The following MYO7A variants were observed in gnomAD, a reference collection of about 807,000 sequenced individuals.
The protein encoded by MYO7A is myosin VIIA.
A neutral mutation model predicts 263.8 loss-of-function variants in MYO7A; 210 were observed. The observed-to-expected ratio is 0.80, with a 90% CI of 0.71 to 0.89. The LOEUF is 0.89. Ranked by LOEUF, MYO7A falls within the 40% of genes least tolerant of loss-of-function variation. MYO7A has a pLI of 0.00. For synonymous variants in MYO7A, 1,239 were observed against 1,197.3 expected, an observed-to-expected ratio of 1.03 and a Z score of -0.72; for missense variants, 2,820 against 2,968.3, an observed-to-expected ratio of 0.95 and a Z score of 1.16.
Position 77,214,899 on chromosome 11 carries a change from C to T in MYO7A, c.*203C>T. 3.6e-6 allele frequency: 2 copies of T among 555,608 alleles called. No homozygotes were observed. Among genetic ancestry groups the T allele is most frequent in the South Asian group, 4.6e-5 (2 of 43,188 alleles). The allele number at this position is 555,608 out of a possible 1,614,324, so 34.4% of individuals were successfully genotyped here. On this transcript the variant is annotated 3_prime_UTR_variant, in exon 49 of 49. Transcript: ENST00000409709. The stretch of plus-strand genomic sequence containing the variant: ...CTGGGATGCAGAACTTCCCTCCATC[C>T]ACCCCTCTGGCACCTGGGTTGGTCT...
At chr11:77,179,538 G>C (rs1478799897) in intron 20 of MYO7A, among the ~76,000 whole-genome samples, 197 bp from the exon 21 acceptor site, 1 of 152,190 alleles carries the variant, frequency 6.6e-6, no homozygotes, top group Non-Finnish European at 1.5e-5. Flanking sequence ...GGAGAGTCAA[G>C]GTCACCTAAA....
rs2135563118 is a variant in MYO7A at position 77,190,822 on chromosome 11, T to C, written c.3876T>C (p.Ser1292=). ...ELCNALADKI[S]LKDRFGFSLY... ...GCAACGCGCTGGCCGACAAGATCTC[T>C]CTCAAGGACCGGTTCGGGTTCTCCC... Residue 1292 remains serine, a synonymous_variant, in exon 30 of 49, where the codon TCT becomes TCC. Coordinates refer to ENST00000409709, the MANE Select transcript of MYO7A (RefSeq NM_000260.4). The C allele has an allele frequency of 2.5e-6, 4 of 1,590,110 alleles. No individual in the cohort carries two copies. Among genetic ancestry groups the C allele is most frequent in the Non-Finnish European group, 3.4e-6 (4 of 1,168,850 alleles).
At position 77,199,767 on chromosome 11, in the gene MYO7A, C is replaced by G. The variant is rs758832749; in HGVS notation, c.4801C>G (p.Leu1601Val). The part of the protein sequence containing the change: ...RDLVVTFLEG[L>V]RKRSKYVVAL... ...CCTGGTGGTCACCTTCCTAGAGGGG[C>G]TCCGGAAGAGATCTAAGTATGTTGT... Residue 1601 changes from leucine (L) to valine (V), a missense_variant, in exon 35 of 49, where the codon CTC (leucine) becomes GTC (valine). By Grantham distance (32) the Leu-to-Val change is conservative (BLOSUM62 1). Coordinates refer to ENST00000409709, the MANE Select transcript of MYO7A (RefSeq NM_000260.4). 6.2e-7 allele frequency: 1 copy of G among 1,611,688 alleles called. No individual in the cohort carries two copies. Among genetic ancestry groups the G allele is most frequent in the African/African-American group, 1.3e-5 (1 of 74,898 alleles).
intron 7 of MYO7A, 55 bp from the exon 8 acceptor site, chr11:77,157,224 A>T (rs1487138051): frequency 5.5e-6 from 8 of 1,455,638 alleles, no homozygotes; most frequent in Non-Finnish European, 7.6e-6. Context: ...CTAGTTCCTG[A>T]TGGCCTCCTC....
chr11:77,163,115 T>G, intron 14 of MYO7A, 127 bp downstream of exon 14: 1 of 1,029,432 alleles, frequency 9.7e-7, no homozygotes, highest in Non-Finnish European at 1.4e-6. Flanking sequence ...TATATATATA[T>G]ATATGAACTT....
In MYO7A at chr11:77,214,915, G is replaced by A. The variant is rs779890114; in HGVS notation, c.*219G>A. On this transcript the variant is annotated 3_prime_UTR_variant, in exon 49 of 49. Coordinates refer to ENST00000409709, the MANE Select transcript of MYO7A (RefSeq NM_000260.4). Reference sequence around the variant, plus strand: ...CCCTCCATCCACCCCTCTGGCACCTGGGTTGGTCTAATCCTAGTTTGCTGT... The same window carrying A: ...CCCTCCATCCACCCCTCTGGCACCTAGGTTGGTCTAATCCTAGTTTGCTGT... 19 of 539,918 alleles carry A rather than the reference G, an allele frequency of 3.5e-5. No homozygotes were observed. Among genetic ancestry groups the A allele is most frequent in the Non-Finnish European group, 6.3e-5 (19 of 301,554 alleles). 33.4% of individuals were successfully genotyped at this position (539,918 alleles called of 1,614,324 possible).
intron 48 of MYO7A, 50 bp downstream of exon 48, chr11:77,214,029 C>T (rs772101151): frequency 1.9e-6 from 3 of 1,611,000 alleles, no homozygotes; most frequent in East Asian, 4.5e-5. Flanking sequence ...TTGCCTGCAG[C>T]GTAGCCAGCC....
intron 22 of MYO7A, 131 bp downstream of exon 22, chr11:77,180,612 C>T (rs1955094690): frequency 2.7e-6 from 2 of 754,148 alleles, no homozygotes; most frequent in Admixed American, 2.5e-5. Flanking sequence ...ACTAGACCCA[C>T]TCAGCCAGCA....
At chr11:77,177,389 G>A (rs1954736847) in intron 18 of MYO7A, among the ~76,000 whole-genome samples, 160 bp from the exon 19 acceptor site, 1 of 152,192 alleles carries the variant, frequency 6.6e-6, no homozygotes, top group Admixed American at 6.5e-5. Flanking sequence ...TGGTGGCTGT[G>A]GGAGGCTGCC....
chr11:77,182,609 A>C lies in MYO7A; in HGVS notation c.3285+9A>C. The stretch of plus-strand genomic sequence containing the variant: ...TGCAGGGCGAGGGCGAGGTGAGGCC[A>C]AGGTGCCCTCTGGATGATGTCCCTC... On this transcript the variant is annotated intron_variant, in intron 25 of 48. Coordinates refer to ENST00000409709, the MANE Select transcript of MYO7A (RefSeq NM_000260.4). 2 of 1,612,684 alleles carry C rather than the reference A, an allele frequency of 1.2e-6. No individual in the cohort carries two copies. The highest frequency in any genetic ancestry group is 1.7e-6 in the Non-Finnish European group (2 of 1,179,786).
rs782214274 is a variant in MYO7A, at chr11:77,155,963, C to T, written c.342C>T (p.Tyr114=). 3.7e-6 allele frequency: 6 copies of T among 1,612,826 alleles called. No individual in the cohort carries two copies. Among genetic ancestry groups the T allele is most frequent in the South Asian group, 3.3e-5 (3 of 90,706 alleles). Residue 114 remains tyrosine, a synonymous_variant, in exon 5 of 49, where the codon TAC becomes TAT. Transcript: ENST00000409709. ...AVNPYQLLSI[Y]SPEHIRQYTN... ...ACCCCTACCAGCTGCTCTCCATCTA[C>T]TCGCCAGAGCACATCCGCCAGTATA...
At chr11:77,140,382 G>A (rs1555049887) in intron 2 of MYO7A, among the ~76,000 whole-genome samples, 1 of 152,222 alleles carries the variant, frequency 6.6e-6, no homozygotes, top group African/African-American at 2.4e-5. Flanking sequence ...AAGAGCCCTG[G>A]ATTTGGGGTT....
chr11:77,137,296 T>C (rs1036222519), intron 2 of MYO7A, among the ~76,000 whole-genome samples: 4 of 152,150 alleles, frequency 2.6e-5, no homozygotes, highest in African/African-American at 9.7e-5. Flanking sequence ...CCTGGGTGGC[T>C]CTGAGCCCTG....
At chr11:77,192,874 G>T (rs1478679825) in intron 31 of MYO7A, among the ~76,000 whole-genome samples, 3 of 135,562 alleles carry the variant, frequency 2.2e-5, no homozygotes, top group South Asian at 2.3e-4. Context: ...GATGATGGTG[G>T]TGATGGTGGA....
intron 32 of MYO7A, among the ~76,000 whole-genome samples, chr11:77,196,744 G>A (rs1363177004): frequency 2.0e-5 from 3 of 152,128 alleles, no homozygotes; most frequent in Non-Finnish European, 4.4e-5. Flanking sequence ...CATGGGTGGA[G>A]ATGGGGCCGT....
At chr11:77,142,424 G>A in intron 2 of MYO7A, 1 of 412,988 alleles carries the variant, frequency 2.4e-6, no homozygotes. Context: ...GATCCATGGG[G>A]AGAGCTGGGC....
At position 77,158,192 on chromosome 11, in the gene MYO7A, G is replaced by A. The variant is rs1555065335; in HGVS notation, c.850-85G>A. The A allele has an allele frequency of 2.8e-6, 4 of 1,422,990 alleles. No individual in the cohort carries two copies. In the Admixed American group the frequency reaches 7.5e-5, roughly 27 times the overall value. 88.1% of individuals were successfully genotyped at this position (1,422,990 alleles called of 1,614,324 possible). A position where few individuals can be genotyped will look rare whatever the true frequency, so the allele number is the denominator to read the frequency against. ...TGGCCTGGCCTGTCAGGCAGAAAGGGCCTTTTGGGCAGGCAGCCAGGCACT... is the reference window on the plus strand; with the variant it reads ...TGGCCTGGCCTGTCAGGCAGAAAGGACCTTTTGGGCAGGCAGCCAGGCACT... On this transcript the variant is annotated intron_variant, in intron 8 of 48. Coordinates refer to ENST00000409709, the MANE Select transcript of MYO7A (RefSeq NM_000260.4).
intron 2 of MYO7A, among the ~76,000 whole-genome samples, chr11:77,134,860 C>T (rs1409651471): frequency 6.8e-6 from 1 of 148,040 alleles, no homozygotes; most frequent in Non-Finnish European, 1.5e-5. Flanking sequence ...TCAGCTCACT[C>T]TGCAACTTCT....
At position 77,175,391 on chromosome 11, in the gene MYO7A, G is replaced by T; in HGVS notation, c.2114G>T (p.Cys705Phe). ...AYKQGDLRGTCQRMAEAVLGT... is the reference protein window; with the variant it reads ...AYKQGDLRGTFQRMAEAVLGT... ...CTCCAGGGCGACCTCCGCGGGACTT[G>T]CCAGCGCATGGCTGAGGCTGTGCTG... The change falls in exon 18 of 49, where the codon TGC (cysteine) becomes TTC (phenylalanine). Residue 705 changes from cysteine (C) to phenylalanine (F), a missense_variant. Physicochemically the swap from Cys to Phe is radical, Grantham distance 205. Transcript: ENST00000409709. 1 of 1,613,298 alleles carries T rather than the reference G, an allele frequency of 6.2e-7. No individual in the cohort carries two copies.
Sources: allele counts gnomAD v4.1 joint callset (sites outside exome capture counted in the v4.1 genomes callset), GRCh38; gene constraint gnomAD v4.1.1; transcripts MANE v1.5; gene names NCBI Gene and HGNC (gene_info 2026-07-23, HGNC 2026-07-21).